CDK19: variants seen among roughly 807,000 people sequenced by gnomAD.
CDK19 encodes cyclin-dependent kinase 19.
CDK19 carries 20 observed loss-of-function variants against 68.3 expected under a neutral mutation model. The ratio of observed to expected loss-of-function variants is 0.29; its 90% CI spans 0.21 to 0.43. The LOEUF is 0.43. Ranked by LOEUF, CDK19 falls within the 20% of genes least tolerant of loss-of-function variation. The pLI is 1.00. For synonymous variants in CDK19, 221 were observed against 222.8 expected (o/e 0.99, Z 0.07); for missense variants, 339 against 623.5 (o/e 0.54, Z 4.86).
intron 2 of CDK19, among the ~76,000 whole-genome samples, chr6:110,675,393 C>T (rs991054809): frequency 3.3e-5 from 5 of 151,924 alleles, no homozygotes; most frequent in South Asian, 2.1e-4. Flanking sequence ...TTTGAGAGGC[C>T]GAGGCAGGTG....
chr6:110,789,530 G>A (rs141910248), intron 1 of CDK19, among the ~76,000 whole-genome samples: 87 of 152,228 alleles, frequency 5.7e-4, no homozygotes, highest in African/African-American at 2.1e-3. Flanking sequence ...ATCCGCCTCG[G>A]CCTCCCAAAG....
chr6:110,687,752 T>C (rs1772610936), intron 2 of CDK19, among the ~76,000 whole-genome samples: 1 of 152,240 alleles, frequency 6.6e-6, no homozygotes, highest in Non-Finnish European at 1.5e-5. Context: ...GTGTGGCTTT[T>C]ATGTAAATGT....
At chr6:110,802,677 C>T (rs1342007056) in intron 1 of CDK19, among the ~76,000 whole-genome samples, 1 of 151,998 alleles carries the variant, frequency 6.6e-6, no homozygotes, top group East Asian at 1.9e-4. Context: ...CACATGTATC[C>T]CCAAATCTAA....
chr6:110,686,712 C>CA (rs1253102774), intron 2 of CDK19, among the ~76,000 whole-genome samples: 7 of 151,930 alleles, frequency 4.6e-5, no homozygotes, highest in African/African-American at 1.2e-4. Context: ...CAAAAATATT[C>CA]AAAAAAATTA....
chr6:110,755,689 C>A (rs932241505), intron 1 of CDK19, among the ~76,000 whole-genome samples: 1 of 152,172 alleles, frequency 6.6e-6, no homozygotes, highest in Non-Finnish European at 1.5e-5. Flanking sequence ...AAGAAAAGAG[C>A]AAAGCAGACA....
chr6:110,803,120 C>T (rs1782447969), intron 1 of CDK19, among the ~76,000 whole-genome samples: 1 of 152,014 alleles, frequency 6.6e-6, no homozygotes, highest in Admixed American at 6.5e-5. Flanking sequence ...TGCTCTGTAG[C>T]CCAGGCTGGA....
chr6:110,720,207 T>C (rs564928301), intron 2 of CDK19, among the ~76,000 whole-genome samples: 37 of 152,258 alleles, frequency 2.4e-4, no homozygotes, highest in African/African-American at 8.9e-4. Context: ...AATAACCTCA[T>C]AATCCTCTCC....
intron 4 of CDK19, among the ~76,000 whole-genome samples, chr6:110,657,815 T>C (rs1425759548): frequency 6.6e-6 from 1 of 152,216 alleles, no homozygotes; most frequent in Admixed American, 6.5e-5. Flanking sequence ...TAAGAGAGTT[T>C]GTATGTCACT....
At chr6:110,632,539 T>C (rs1016221499) in intron 5 of CDK19, among the ~76,000 whole-genome samples, 1 of 152,148 alleles carries the variant, frequency 6.6e-6, no homozygotes, top group Non-Finnish European at 1.5e-5. Context: ...GAGACCAGCC[T>C]GCACAACATG....
At chr6:110,763,540 C>T (rs1289257167) in intron 1 of CDK19, among the ~76,000 whole-genome samples, 8 of 151,694 alleles carry the variant, frequency 5.3e-5, no homozygotes, top group South Asian at 2.1e-4. Context: ...CTCAGCCTCC[C>T]GAGTAGCTGG....
chr6:110,701,036 C>T (rs1047801935), intron 2 of CDK19: 2 of 151,992 alleles, frequency 1.3e-5, no homozygotes, highest in African/African-American at 2.4e-5. Flanking sequence ...GAAACCCCGT[C>T]TCTACTAAAA....
intron 4 of CDK19, among the ~76,000 whole-genome samples, chr6:110,653,648 A>T (rs1319566839): frequency 6.6e-6 from 1 of 152,212 alleles, no homozygotes; most frequent in Non-Finnish European, 1.5e-5. Flanking sequence ...TAGATAAACC[A>T]ATGCCCAGGG....
At chr6:110,734,548 T>C (rs1231797962) in intron 2 of CDK19, among the ~76,000 whole-genome samples, 3 of 149,996 alleles carry the variant, frequency 2.0e-5, no homozygotes, top group African/African-American at 2.5e-5. Context: ...TCTCTCTCTC[T>C]CTCTCTCTCT....
chr6:110,675,627 C>CAAAAAAAAAAAAAAAAAAAAAA (rs57966061), intron 2 of CDK19, among the ~76,000 whole-genome samples: 1 of 56,534 alleles, frequency 1.8e-5, no homozygotes. Context: ...GACTCCATCT[C>CAAAAAAAAAAAAAAAAAAAAAA]AAAAAAAAAA....
At chr6:110,755,325 C>A (rs928719305) in intron 1 of CDK19, among the ~76,000 whole-genome samples, 4 of 152,154 alleles carry the variant, frequency 2.6e-5, no homozygotes, top group African/African-American at 9.7e-5. Context: ...TAGGCGTGAG[C>A]CACCATGCCT....
intron 1 of CDK19, among the ~76,000 whole-genome samples, chr6:110,759,340 G>A (rs1779036667): frequency 6.8e-6 from 1 of 146,222 alleles, no homozygotes; most frequent in Non-Finnish European, 1.5e-5. Context: ...AGGAGGTGGA[G>A]CGTGCAGTGA....
chr6:110,725,766 A>T (rs1434436870), intron 2 of CDK19, among the ~76,000 whole-genome samples: 2 of 152,196 alleles, frequency 1.3e-5, no homozygotes, highest in Non-Finnish European at 1.5e-5. Flanking sequence ...TTTTTATTTA[A>T]ATTGTTCAAG....
intron 5 of CDK19, among the ~76,000 whole-genome samples, chr6:110,637,085 G>A (rs1424015931): frequency 1.3e-5 from 2 of 151,388 alleles, no homozygotes; most frequent in Non-Finnish European, 3.0e-5. Context: ...ACAGGCTGAG[G>A]AAGCTACAAC....
At chr6:110,737,532 G>C (rs996725608) in intron 2 of CDK19, among the ~76,000 whole-genome samples, 3 of 152,160 alleles carry the variant, frequency 2.0e-5, no homozygotes, top group Non-Finnish European at 4.4e-5. Context: ...AGGCATAGTA[G>C]AGCAGACAAC....
Sources: allele counts gnomAD v4.1 joint callset (sites outside exome capture counted in the v4.1 genomes callset), GRCh38; gene constraint gnomAD v4.1.1; transcripts MANE v1.5; gene names NCBI Gene and HGNC (gene_info 2026-07-23, HGNC 2026-07-21).